Variants in AKAP13 observed in about 807,000 individuals in gnomAD.
AKAP13 encodes A-kinase anchor protein 13.
A neutral mutation model predicts 264.5 loss-of-function variants in AKAP13; 80 were observed. The observed-to-expected ratio is 0.30, with a 90% CI of 0.25 to 0.36. The LOEUF is 0.36. Ranked by LOEUF, AKAP13 falls within the 10% of genes least tolerant of loss-of-function variation. The probability of loss-of-function intolerance (pLI) is 1.00; values close to 1 mark genes in which losing one functional copy is unlikely to be tolerated. For missense variants in AKAP13, 3,712 were observed against 3,435.2 expected, an observed-to-expected ratio of 1.08 and a Z score of -2.01; for synonymous variants, 1,380 against 1,250.2, an observed-to-expected ratio of 1.10 and a Z score of -2.19.
At chr15:85,411,891 A>T (rs2071988919) in intron 1 of AKAP13, among the ~76,000 whole-genome samples, 1 of 152,242 alleles carries the variant, frequency 6.6e-6, no homozygotes, top group Non-Finnish European at 1.5e-5. Flanking sequence ...GTTGCCAGTG[A>T]TAAAATTTGA....
At chr15:85,650,779 A>AAAAAAAAAAAAC in intron 10 of AKAP13, among the ~76,000 whole-genome samples, 2 of 145,848 alleles carry the variant, frequency 1.4e-5, no homozygotes, top group Admixed American at 6.9e-5. Flanking sequence ...AAAAAAAAAA[A>AAAAAAAAAAAAC]AAAAAAAAAA....
intron 2 of AKAP13, among the ~76,000 whole-genome samples, chr15:85,489,598 A>G (rs2075668243): frequency 6.6e-6 from 1 of 152,328 alleles, no homozygotes; most frequent in Non-Finnish European, 1.5e-5. Context: ...TTTCATTTAG[A>G]TCATATTTGG....
chr15:85,467,052 A>T (rs1354224637), intron 1 of AKAP13, among the ~76,000 whole-genome samples: 1 of 148,180 alleles, frequency 6.7e-6, no homozygotes, highest in East Asian at 2.0e-4. Flanking sequence ...TGCATTGGAT[A>T]CTACATCTAT....
At chr15:85,681,396 G>A (rs1344363062) in intron 14 of AKAP13, among the ~76,000 whole-genome samples, 1 of 151,984 alleles carries the variant, frequency 6.6e-6, no homozygotes, top group African/African-American at 2.4e-5. Flanking sequence ...ATTAACATGT[G>A]GTAGATAAAA....
chr15:85,684,611 C>T lies in AKAP13; in HGVS notation c.5157-130C>T, dbSNP rs939539193. ...AGGAAACTTAGCCAAGTTTTGATAA[C>T]AGAACCTGGGCGTTGTGGCATACTC... On this transcript the variant is annotated intron_variant, in intron 15 of 36. Coordinates refer to ENST00000394518, the MANE Select transcript of AKAP13 (RefSeq NM_007200.5). 17 of 948,348 alleles carry T rather than the reference C, an allele frequency of 1.8e-5. No homozygotes were observed. In the African/African-American group the frequency reaches 2.3e-4, roughly 13 times the overall value. The allele number at this position is 948,348 out of a possible 1,614,324, so 58.7% of individuals were successfully genotyped here.
Position 85,655,425 on chromosome 15 carries a change from A to G in AKAP13, c.4383A>G (p.Glu1461=), listed in dbSNP as rs1427419923. Residue 1461 remains glutamate, a synonymous_variant, in exon 11 of 37, where the codon GAA becomes GAG. Coordinates refer to ENST00000394518, the MANE Select transcript of AKAP13 (RefSeq NM_007200.5). ...CTTTCTCTCCATTACAGCCAGAGGA[A>G]GAGCATTTGGCCTGTGATATCACCG... is the stretch of plus-strand genomic sequence containing the variant. The part of the protein sequence containing the change: ...MDSIIFPKPE[E]EHLACDITGS... The G allele has an allele frequency of 1.2e-6, 2 of 1,613,092 alleles. No individual in the cohort carries two copies. The highest frequency in any genetic ancestry group is 3.3e-5 in the Admixed American group (2 of 60,018).
At chr15:85,660,352 CAAAAAAAAAAA>C (rs35636118) in intron 12 of AKAP13, among the ~76,000 whole-genome samples, 2 of 68,544 alleles carry the variant, frequency 2.9e-5, no homozygotes, top group East Asian at 1.2e-3. Context: ...ATCTAAGTCT[CAAAAAAAAAAA>C]AAAAAAAAAA....
At chr15:85,650,697 A>G (rs1347093538) in intron 10 of AKAP13, among the ~76,000 whole-genome samples, 2 of 127,202 alleles carry the variant, frequency 1.6e-5, no homozygotes, top group Admixed American at 1.9e-4. Context: ...TGGAGGTTGC[A>G]GTGAGCTGAG....
Position 85,655,451 on chromosome 15 carries a change from G to A in AKAP13, c.4409G>A (p.Gly1470Glu), listed in dbSNP as rs1364826687. The part of the protein sequence containing the change: ...EEEHLACDIT[G>E]SSSSTDDTAS... The stretch of plus-strand genomic sequence containing the variant: ...GAGCATTTGGCCTGTGATATCACCG[G>A]ATCCAGTTCATCCACCGATGACACG... The change falls in exon 11 of 37, where the codon GGA becomes GAA. Residue 1470 changes from glycine (G) to glutamate (E), a missense_variant. Coordinates refer to ENST00000394518, the MANE Select transcript of AKAP13 (RefSeq NM_007200.5). The A allele has an allele frequency of 6.2e-7, 1 of 1,614,128 alleles. No individual in the cohort carries two copies.
rs922383612 is a variant in AKAP13, at chr15:85,723,097, A to G, written c.6522A>G (p.Leu2174=). 6.2e-7 allele frequency: 1 copy of G among 1,614,108 alleles called. No homozygotes were observed. The highest frequency in any genetic ancestry group is 8.5e-7 in the Non-Finnish European group (1 of 1,179,962). ...ACAATGAAGTGGAGCAGGAAGATCT[A>G]GCACAGTCCTTGAGCCTGGTGAAGG... ...TKDNEVEQED[L]AQSLSLVKDV... Residue 2174 remains leucine (L), a synonymous_variant, in exon 26 of 37, where the codon CTA becomes CTG. Coordinates refer to ENST00000394518, the MANE Select transcript of AKAP13 (RefSeq NM_007200.5).
intron 5 of AKAP13, among the ~76,000 whole-genome samples, chr15:85,554,812 C>A (rs759495199): frequency 7.9e-5 from 12 of 152,126 alleles, no homozygotes; most frequent in Admixed American, 3.3e-4. Context: ...AGTCCAAGAT[C>A]ACAAAGATGG....
At chr15:85,530,105 T>G (rs956846219) in intron 3 of AKAP13, among the ~76,000 whole-genome samples, 2 of 152,192 alleles carry the variant, frequency 1.3e-5, no homozygotes, top group Non-Finnish European at 2.9e-5. Flanking sequence ...ATTCACCTGC[T>G]AACAAACTCT....
intron 19 of AKAP13, among the ~76,000 whole-genome samples, chr15:85,714,962 A>G (rs1375337480): frequency 6.6e-6 from 1 of 150,882 alleles, no homozygotes; most frequent in Non-Finnish European, 1.5e-5. Context: ...ACAAGACTGC[A>G]TTTCAAAAAA....
intron 8 of AKAP13, among the ~76,000 whole-genome samples, chr15:85,629,002 A>G (rs2081565185): frequency 6.6e-6 from 1 of 152,118 alleles, no homozygotes; most frequent in African/African-American, 2.4e-5. Flanking sequence ...AGACCAGCCT[A>G]AGCAACATTG....
chr15:85,398,327 C>T (rs1229454228), intron 1 of AKAP13, among the ~76,000 whole-genome samples: 1 of 152,012 alleles, frequency 6.6e-6, no homozygotes, highest in Non-Finnish European at 1.5e-5. Context: ...ATGTACAGTT[C>T]CTCTAGAAAT....
At chr15:85,408,387 C>G (rs2071776235) in intron 1 of AKAP13, among the ~76,000 whole-genome samples, 1 of 151,818 alleles carries the variant, frequency 6.6e-6, no homozygotes. Context: ...TTAGCTCTTT[C>G]ACATTGTCGT....
intron 2 of AKAP13, among the ~76,000 whole-genome samples, chr15:85,497,386 A>G (rs1415354593): frequency 6.6e-6 from 1 of 152,182 alleles, no homozygotes; most frequent in Non-Finnish European, 1.5e-5. Context: ...GGAGAGAGGA[A>G]TGGAATATTG....
intron 10 of AKAP13, among the ~76,000 whole-genome samples, chr15:85,651,904 T>A (rs1378070730): frequency 2.0e-5 from 3 of 152,258 alleles, no homozygotes; most frequent in Non-Finnish European, 4.4e-5. Context: ...TAGGTTTAGT[T>A]TGCTAAGAAA....
Position 85,580,966 on chromosome 15 carries a change from A to C in AKAP13, c.2898A>C (p.Lys966Asn). The C allele has an allele frequency of 6.2e-7, 1 of 1,614,142 alleles. No homozygotes were observed. Among genetic ancestry groups the C allele is most frequent in the South Asian group, 1.1e-5 (1 of 91,086 alleles). The change falls in exon 7 of 37, where the codon AAA becomes AAC. Residue 966 changes from lysine to asparagine, a missense_variant. Lys to Asn is a moderately conservative substitution (Grantham distance 94, BLOSUM62 0). Around this residue, in one of 3 missense-constraint regions of AKAP13, gnomAD observed 2,759 missense variants for 2,411.7 expected, o/e 1.14. Transcript: ENST00000394518. ...AAGATACTCAACAATTTCATGAAAA[A>C]TCAATCTCAGCTGACTGTGCCAAGG... is the stretch of plus-strand genomic sequence containing the variant. Reference protein sequence around the residue: ...PGQDTQQFHEKSISADCAKDK... With the variant: ...PGQDTQQFHENSISADCAKDK...
Sources: gnomAD v4.1 joint callset for allele counts (sites outside exome capture counted in the v4.1 genomes callset) on GRCh38, gnomAD v4.1.1 for gene constraint, gnomAD v4.1.1 regional missense constraint, MANE v1.5 for transcripts, NCBI Gene and HGNC (gene_info 2026-07-23, HGNC 2026-07-21) for gene names.